The following MAP2K2 variants were observed in gnomAD, a reference collection of about 807,000 sequenced individuals.
MAP2K2 encodes mitogen-activated protein kinase kinase 2.
MAP2K2 carries 24 observed loss-of-function variants against 43.7 expected under a neutral mutation model. That is an observed-to-expected ratio of 0.55 (90% CI 0.40 to 0.77). The LOEUF (loss-of-function observed/expected upper bound fraction) is 0.77, where lower values mean the gene tolerates loss of function less well. Among genes scored for constraint, MAP2K2 ranks in the 30% least tolerant of loss-of-function variants. MAP2K2 has a pLI of 0.00. For synonymous variants in MAP2K2, 244 were observed against 239.7 expected, an observed-to-expected ratio of 1.02 and a Z score of -0.17; for missense variants, 470 against 566.8, an observed-to-expected ratio of 0.83 and a Z score of 1.73.
At chr19:4,097,226 A>AG (rs1555696522) in intron 8 of MAP2K2, 53 bp downstream of exon 8, 25 of 1,257,392 alleles carry the variant, frequency 2.0e-5, no homozygotes, top group Middle Eastern at 1.9e-4. Flanking sequence ...AAAAAAAAAA[A>AG]AAGAAAGAAG....
Position 4,101,369 on chromosome 19 carries a change from G to A in MAP2K2, c.529-89C>T, listed in dbSNP as rs2041008620. On this transcript the variant is annotated intron_variant, in intron 4 of 10. Transcript: ENST00000262948. This position sits in a 1 kb window ranked among gnomAD's most constrained non-coding sequence, Gnocchi z 6.3. ...CGGGGGTCAGAGCTGAGCAGTCAGA[G>A]CTGGAGCGAGGGAGCTGCGGCAGGA... 2 of 1,416,118 alleles carry A rather than the reference G, an allele frequency of 1.4e-6. No homozygotes were observed. Among genetic ancestry groups the A allele is most frequent in the Non-Finnish European group, 2.0e-6 (2 of 1,025,338 alleles). 87.7% of individuals were successfully genotyped at this position (1,416,118 alleles called of 1,614,324 possible).
At chr19:4,095,276 G>A (rs2040900720) in intron 9 of MAP2K2, 112 bp downstream of exon 9, 9 of 923,828 alleles carry the variant, frequency 9.7e-6, no homozygotes, top group Middle Eastern at 2.1e-4. Flanking sequence ...CCTGCCTAAC[G>A]CTGCACTGGG....
chr19:4,095,461 A>AACAGAG lies in MAP2K2; in HGVS notation c.985-18_985-13dup, dbSNP rs1156545162. ...AGCTTAGGAGGTGGCTGTGGAGGAG[A>AACAGAG]ACAGAGGGTGGGGTCAGCCCTGGGC... On this transcript the variant is annotated splice_polypyrimidine_tract_variant and intron_variant, in intron 8 of 10. Transcript: ENST00000262948. 4 of 1,550,658 alleles carry AACAGAG rather than the reference A, an allele frequency of 2.6e-6. No individual in the cohort carries two copies. Among genetic ancestry groups the AACAGAG allele is most frequent in the Non-Finnish European group, 3.5e-6 (4 of 1,146,496 alleles).
chr19:4,124,001 G>A lies in MAP2K2; in HGVS notation c.-126C>T, dbSNP rs1599313591. 2 of 267,928 alleles carry A rather than the reference G, an allele frequency of 7.5e-6. No individual in the cohort carries two copies. The highest frequency in any genetic ancestry group is 1.2e-5 in the Non-Finnish European group (2 of 170,286). 16.6% of individuals were successfully genotyped at this position (267,928 alleles called of 1,614,324 possible). A position where few individuals can be genotyped will look rare whatever the true frequency, so the allele number is the denominator to read the frequency against. The stretch of plus-strand genomic sequence containing the variant: ...GGCCCAGGCCGGCGTCGGGGCGGCC[G>A]AGGGCGGGCGGCGCTGCGGGCCTGG... On this transcript the variant is annotated 5_prime_UTR_variant, in exon 1 of 11. Coordinates refer to ENST00000262948, the MANE Select transcript of MAP2K2 (RefSeq NM_030662.4).
intron 1 of MAP2K2, among the ~76,000 whole-genome samples, chr19:4,121,989 C>T: frequency 6.9e-6 from 1 of 145,972 alleles, no homozygotes; most frequent in Non-Finnish European, 1.5e-5. Context: ...CCATCCTCTC[C>T]CCTAAGGGAC....
intron 1 of MAP2K2, among the ~76,000 whole-genome samples, chr19:4,122,723 C>A (rs1441574585): frequency 6.7e-6 from 1 of 150,218 alleles, no homozygotes; most frequent in African/African-American, 2.5e-5. Flanking sequence ...TCTCATTACT[C>A]AGGGACCCCA....
rs727504363 is a variant in MAP2K2, at chr19:4,101,066, T to C, written c.658A>G (p.Ile220Val). The C allele has an allele frequency of 1.9e-6, 3 of 1,589,590 alleles. No individual in the cohort carries two copies. Among genetic ancestry groups the C allele is most frequent in the Non-Finnish European group, 2.6e-6 (3 of 1,168,400 alleles). Residue 220 changes from isoleucine (I) to valine (V), a missense_variant, in exon 6 of 11, where the codon ATC (isoleucine) becomes GTC (valine). By Grantham distance (29) the Ile-to-Val change is conservative. Around this residue, in one of 3 missense-constraint regions of MAP2K2, gnomAD observed 200 missense variants for 297.9 expected, o/e 0.67. Coordinates refer to ENST00000262948, the MANE Select transcript of MAP2K2 (RefSeq NM_030662.4). This position sits in a 1 kb window ranked among gnomAD's most constrained non-coding sequence, Gnocchi z 6.3. ...LCDFGVSGQLIDSMANSFVGT... is the reference protein window; with the variant it reads ...LCDFGVSGQLVDSMANSFVGT... ...ACGAAGGAGTTGGCCATGGAGTCGA[T>C]GAGCTGGCCGCTCACCCCGAAGTCA...
At chr19:4,091,172 G>A (rs967398414) in intron 10 of MAP2K2, among the ~76,000 whole-genome samples, 1 of 152,174 alleles carries the variant, frequency 6.6e-6, no homozygotes, top group Admixed American at 6.5e-5. Flanking sequence ...AGGGTCCCCC[G>A]GAGCAGGACA....
intron 1 of MAP2K2, among the ~76,000 whole-genome samples, chr19:4,120,544 G>C (rs1217700320): frequency 6.6e-6 from 1 of 152,078 alleles, no homozygotes; most frequent in Non-Finnish European, 1.5e-5. Flanking sequence ...CTTGAACTCT[G>C]GGCCTCAAGT....
In MAP2K2 at chr19:4,105,262, TTTTC is replaced by T. The variant is rs554998428; in HGVS notation, c.451-2813_451-2810del. On this transcript the variant is annotated intron_variant, in intron 3 of 10. Coordinates refer to ENST00000262948, the MANE Select transcript of MAP2K2 (RefSeq NM_030662.4). ...TTACGTAGGTAGTAGGTGAACACAT[TTTTC>T]TTTCTTTTTTTTTTTTTCCTGAGGC... Among the ~76,000 whole-genome samples, 350 of 151,392 alleles carry T rather than the reference TTTTC, an allele frequency of 2.3e-3. 1 individual carries two copies. The highest frequency in any genetic ancestry group is 7.5e-3 in the African/African-American group (310 of 41,106).
At chr19:4,091,014 C>T (rs916205081) in intron 10 of MAP2K2, among the ~76,000 whole-genome samples, 5 of 152,220 alleles carry the variant, frequency 3.3e-5, no homozygotes, top group Admixed American at 1.3e-4. Flanking sequence ...CAGGGTCCTC[C>T]GGCCGCTGTG....
At chr19:4,114,238 A>C (rs1436856151) in intron 2 of MAP2K2, among the ~76,000 whole-genome samples, 1 of 152,204 alleles carries the variant, frequency 6.6e-6, no homozygotes, top group Non-Finnish European at 1.5e-5. Flanking sequence ...GAGCAGATCC[A>C]AGAGGGTTCG....
chr19:4,093,149 C>T (rs532687358), intron 10 of MAP2K2, among the ~76,000 whole-genome samples: 19 of 151,864 alleles, frequency 1.3e-4, no homozygotes, highest in Non-Finnish European at 1.8e-4. Context: ...ACCTGGGAGG[C>T]GGAGGTTGCA....
chr19:4,090,817 C>G (rs2040848018), intron 10 of MAP2K2, 109 bp from the exon 11 acceptor site: 3 of 757,618 alleles, frequency 4.0e-6, no homozygotes, highest in Middle Eastern at 2.8e-4. Context: ...AAGCAAAAAA[C>G]AGAGGAGACC....
intron 7 of MAP2K2, among the ~76,000 whole-genome samples, chr19:4,098,345 G>C (rs770902486): frequency 6.6e-6 from 1 of 152,170 alleles, no homozygotes; most frequent in Non-Finnish European, 1.5e-5. Context: ...GGAATTAGAG[G>C]TGATGGGGCG....
chr19:4,118,976 T>C lies in MAP2K2; in HGVS notation c.93-1347A>G, dbSNP rs1375816434. ...CCATTGCTGTGCACAAGCAATGGAA[T>C]GTAAACCATGCGCACAAATTAAAAT... On this transcript the variant is annotated intron_variant, in intron 1 of 10. Coordinates refer to ENST00000262948, the MANE Select transcript of MAP2K2 (RefSeq NM_030662.4). Among the ~76,000 whole-genome samples, 3 of 152,348 alleles carry C rather than the reference T, an allele frequency of 2.0e-5. No homozygotes were observed. In the East Asian group the frequency reaches 5.8e-4, roughly 29 times the overall value.
In MAP2K2 at chr19:4,115,103, A is replaced by G. The variant is rs975162414; in HGVS notation, c.303+2316T>C. 6.6e-6 allele frequency among the ~76,000 whole-genome samples: 1 copy of G among 152,086 alleles called. No individual in the cohort carries two copies. Among genetic ancestry groups the G allele is most frequent in the Non-Finnish European group, 1.5e-5 (1 of 68,024 alleles). Reference sequence around the variant, plus strand: ...CTAATTTTGAAAGAATTATAGAAGCACAGGAAGTTGCAAAAATAGTAACGA... The same window carrying G: ...CTAATTTTGAAAGAATTATAGAAGCGCAGGAAGTTGCAAAAATAGTAACGA... On this transcript the variant is annotated intron_variant, in intron 2 of 10. Coordinates refer to ENST00000262948, the MANE Select transcript of MAP2K2 (RefSeq NM_030662.4). This position sits in a 1 kb window ranked among gnomAD's most constrained non-coding sequence, Gnocchi z 4.1.
chr19:4,093,456 T>G (rs1419282380), intron 10 of MAP2K2, among the ~76,000 whole-genome samples: 2 of 151,982 alleles, frequency 1.3e-5, no homozygotes, highest in African/African-American at 4.8e-5. Context: ...TTTGGGAGGC[T>G]GAGGCAGGTG....
intron 10 of MAP2K2, 34 bp from the exon 11 acceptor site, chr19:4,090,742 C>G: frequency 6.9e-7 from 1 of 1,450,614 alleles, no homozygotes; most frequent in South Asian, 1.2e-5. Flanking sequence ...GCACCCGGGC[C>G]TGGAGTCACA....
Sources: gnomAD v4.1 joint callset for allele counts (sites outside exome capture counted in the v4.1 genomes callset) on GRCh38, gnomAD v4.1.1 for gene constraint, gnomAD v4.1.1 regional missense constraint, Gnocchi (gnomAD v3.1) non-coding constraint, MANE v1.5 for transcripts, NCBI Gene and HGNC (gene_info 2026-07-23, HGNC 2026-07-21) for gene names.